GNG4: variants seen among roughly 807,000 people sequenced by gnomAD.
GNG4 encodes the protein guanine nucleotide-binding protein G(I)/G(S)/G(O) subunit gamma-4.
GNG4 carries 4 observed loss-of-function variants against 5.8 expected under a neutral mutation model. The observed-to-expected ratio is 0.69, with a 90% CI of 0.34 to 1.57. The LOEUF (loss-of-function observed/expected upper bound fraction) is 1.57, where lower values mean the gene tolerates loss of function less well. Ranked by LOEUF, GNG4 falls within the 40% of genes most tolerant of loss-of-function variation. The pLI is 0.06. For synonymous variants in GNG4, 29 were observed against 32.9 expected (o/e 0.88, Z 0.41); for missense variants, 96 against 95.1 (o/e 1.01, Z -0.04).
At chr1:235,621,896 C>T (rs1369201879) in intron 1 of GNG4, among the ~76,000 whole-genome samples, 1 of 152,040 alleles carries the variant, frequency 6.6e-6, no homozygotes, top group African/African-American at 2.4e-5. Flanking sequence ...AGGTTGGTCT[C>T]GAACTCCAAG....
intron 1 of GNG4, chr1:235,616,273 C>A: frequency 2.1e-6 from 1 of 477,082 alleles, no homozygotes; most frequent in African/African-American, 2.0e-5. Context: ...CGAATGAGGT[C>A]TGCCAAGAGG....
At chr1:235,621,865 T>C (rs945114273) in intron 1 of GNG4, among the ~76,000 whole-genome samples, 1 of 151,996 alleles carries the variant, frequency 6.6e-6, no homozygotes, top group African/African-American at 2.4e-5. Context: ...TTAGTAGAGA[T>C]GGGGTTTTGC....
chr1:235,570,427 C>G (rs79490317), intron 3 of GNG4, among the ~76,000 whole-genome samples: 9 of 107,752 alleles, frequency 8.4e-5, no homozygotes, highest in Non-Finnish European at 1.6e-4. Context: ...GACGGAGTTT[C>G]ACTCCGTCAC....
At chr1:235,610,948 C>T (rs1688464179) in intron 1 of GNG4, among the ~76,000 whole-genome samples, 1 of 152,100 alleles carries the variant, frequency 6.6e-6, no homozygotes, top group Non-Finnish European at 1.5e-5. Flanking sequence ...ATTTGCCAGG[C>T]GTGGTGGCCC....
chr1:235,614,440 T>TTC (rs200509684), intron 1 of GNG4, among the ~76,000 whole-genome samples: 13 of 152,042 alleles, frequency 8.6e-5, no homozygotes, highest in Admixed American at 3.3e-4. Context: ...TCTTTTGAAT[T>TTC]TCTCTCTCTC....
At chr1:235,620,787 G>A (rs1345900750) in intron 1 of GNG4, among the ~76,000 whole-genome samples, 6 of 152,104 alleles carry the variant, frequency 3.9e-5, no homozygotes, top group African/African-American at 9.7e-5. Flanking sequence ...CACCTGCCTC[G>A]GCCTCTCAAA....
At chr1:235,633,865 G>A (rs1224557323) in intron 1 of GNG4, among the ~76,000 whole-genome samples, 2 of 152,146 alleles carry the variant, frequency 1.3e-5, no homozygotes, top group African/African-American at 4.8e-5. Flanking sequence ...ACCAGGATAA[G>A]GCCATAAAAA....
At chr1:235,602,685 A>G (rs1688281984) in intron 1 of GNG4, among the ~76,000 whole-genome samples, 1 of 152,198 alleles carries the variant, frequency 6.6e-6, no homozygotes, top group Non-Finnish European at 1.5e-5. Flanking sequence ...CAGGTCTAAC[A>G]AGGATTCCAC....
chr1:235,610,767 T>C (rs920463176), intron 1 of GNG4, among the ~76,000 whole-genome samples: 4 of 152,046 alleles, frequency 2.6e-5, no homozygotes, highest in Non-Finnish European at 5.9e-5. Flanking sequence ...ACCCTGGCCA[T>C]GTGTCTCTGT....
intron 3 of GNG4, among the ~76,000 whole-genome samples, chr1:235,578,286 T>A (rs985337400): frequency 6.6e-6 from 1 of 152,190 alleles, no homozygotes. Context: ...TGACAAGTGT[T>A]GCTGAGTTTG....
intron 2 of GNG4, among the ~76,000 whole-genome samples, chr1:235,585,726 G>A (rs1036593395): frequency 3.3e-5 from 5 of 152,030 alleles, no homozygotes; most frequent in African/African-American, 9.7e-5. Context: ...TATTATTGTG[G>A]GGGTGTGTCT....
intron 2 of GNG4, among the ~76,000 whole-genome samples, chr1:235,584,080 GAA>G (rs1292261194): frequency 6.6e-6 from 1 of 152,126 alleles, no homozygotes; most frequent in East Asian, 1.9e-4. Flanking sequence ...GGGACAGTGA[GAA>G]GAGAACAGAA....
chr1:235,555,083 T>C lies in GNG4; in HGVS notation c.100-2846A>G, dbSNP rs544623403. 2.4e-4 allele frequency among the ~76,000 whole-genome samples: 36 copies of C among 152,346 alleles called. No homozygotes were observed. In the South Asian group the frequency reaches 7.5e-3, roughly 32 times the overall value. ...AGTTTTGCCCTCTAGAAGATCTCAC[T>C]GTGATCTCAAACATGATGAAGTCAC... is the stretch of plus-strand genomic sequence containing the variant. On this transcript the variant is annotated intron_variant, in intron 3 of 3. Coordinates refer to ENST00000391854, the MANE Select transcript of GNG4 (RefSeq NM_001098722.2).
At chr1:235,587,819 C>T (rs1035138109) in intron 2 of GNG4, among the ~76,000 whole-genome samples, 14 of 116,978 alleles carry the variant, frequency 1.2e-4, no homozygotes, top group South Asian at 6.4e-4. Context: ...AATACAGGCA[C>T]GTCTCAGAGC....
intron 1 of GNG4, among the ~76,000 whole-genome samples, chr1:235,608,401 C>G (rs1373372288): frequency 1.3e-5 from 2 of 152,224 alleles, no homozygotes; most frequent in Non-Finnish European, 2.9e-5. Context: ...AAATGAGCAA[C>G]TCAGTGACGT....
At chr1:235,582,575 G>A (rs750423040) in intron 3 of GNG4, among the ~76,000 whole-genome samples, 1 of 152,286 alleles carries the variant, frequency 6.6e-6, no homozygotes, top group Non-Finnish European at 1.5e-5. Context: ...TCTGGAGCAC[G>A]GGATGCCTGC....
At chr1:235,639,221 C>T (rs562524086) in intron 1 of GNG4, among the ~76,000 whole-genome samples, 1 of 152,334 alleles carries the variant, frequency 6.6e-6, no homozygotes, top group East Asian at 1.9e-4. Context: ...TTCACAGATT[C>T]ACAAGTTCCA....
chr1:235,604,055 C>G (rs983367042), intron 1 of GNG4, among the ~76,000 whole-genome samples: 1 of 152,162 alleles, frequency 6.6e-6, no homozygotes, highest in African/African-American at 2.4e-5. Context: ...AACTCTTAAT[C>G]AACAGGAGAA....
At position 235,550,909 on chromosome 1, in the gene GNG4, G is replaced by A. The variant is rs1349257882; in HGVS notation, c.*1200C>T. The A allele has an allele frequency of 2.6e-5, 4 of 152,302 alleles. No homozygotes were observed. The highest frequency in any genetic ancestry group is 9.7e-5 in the African/African-American group (4 of 41,444). The allele number at this position is 152,302 out of a possible 1,614,324, so 9.4% of individuals were successfully genotyped here. Reference sequence around the variant, plus strand: ...GCTCAGATGACTTGGGGGCACATAGGGGACTGCTGTCACCATGCCTCACTC... The same window carrying A: ...GCTCAGATGACTTGGGGGCACATAGAGGACTGCTGTCACCATGCCTCACTC... On this transcript the variant is annotated 3_prime_UTR_variant, in exon 4 of 4. Transcript: ENST00000391854.
Sources: gnomAD v4.1 joint callset for allele counts (sites outside exome capture counted in the v4.1 genomes callset) on GRCh38, gnomAD v4.1.1 for gene constraint, MANE v1.5 for transcripts, NCBI Gene and HGNC (gene_info 2026-07-23, HGNC 2026-07-21) for gene names.